The following TMTC4 variants were observed in gnomAD, a reference collection of about 807,000 sequenced individuals.
The protein encoded by TMTC4 is transmembrane O-mannosyltransferase targeting cadherins 4, also known as protein O-mannosyl-transferase TMTC4.
A neutral mutation model predicts 86.0 loss-of-function variants in TMTC4; 65 were observed. That is an observed-to-expected ratio of 0.76 (90% CI 0.62 to 0.93). The LOEUF (loss-of-function observed/expected upper bound fraction) is 0.93, where lower values mean the gene tolerates loss of function less well. Ranked by LOEUF, TMTC4 falls within the 40% of genes least tolerant of loss-of-function variation. The pLI, the probability that TMTC4 is intolerant of heterozygous loss-of-function variation, is 0.00. For missense variants in TMTC4, 866 were observed against 948.1 expected (o/e 0.91, Z 1.14); for synonymous variants, 379 against 382.5 (o/e 0.99, Z 0.11).
At chr13:100,645,056 C>T (rs1043563167) in intron 6 of TMTC4, among the ~76,000 whole-genome samples, 18 of 152,332 alleles carry the variant, frequency 1.2e-4, no homozygotes, top group African/African-American at 2.9e-4. Flanking sequence ...TTGTGATCCA[C>T]CCGCCTCGGC....
chr13:100,670,646 A>T (rs1886970047), intron 1 of TMTC4, 77 bp from the exon 2 acceptor site: 1 of 386,050 alleles, frequency 2.6e-6, no homozygotes, highest in Non-Finnish European at 4.6e-6. Context: ...TACTCCTGCT[A>T]CTTAAAAAAC....
At chr13:100,617,953 C>G (rs775302481) in intron 15 of TMTC4, among the ~76,000 whole-genome samples, 1 of 152,210 alleles carries the variant, frequency 6.6e-6, no homozygotes, top group Non-Finnish European at 1.5e-5. Flanking sequence ...AATAATGATT[C>G]TTCCAATCCA....
At chr13:100,643,378 A>G (rs1221233054) in intron 6 of TMTC4, among the ~76,000 whole-genome samples, 1 of 152,220 alleles carries the variant, frequency 6.6e-6, no homozygotes. Context: ...TCACTGCGTG[A>G]CACTGAGCAA....
intron 7 of TMTC4, chr13:100,638,775 A>G (rs1453927714): frequency 6.6e-6 from 1 of 152,232 alleles, no homozygotes; most frequent in African/African-American, 2.4e-5. Context: ...GTGACTTTGG[A>G]AACCACACAT....
intron 6 of TMTC4, among the ~76,000 whole-genome samples, chr13:100,645,158 G>A (rs1883559227): frequency 6.6e-6 from 1 of 152,094 alleles, no homozygotes; most frequent in Non-Finnish European, 1.5e-5. Flanking sequence ...TTGCCTTCAG[G>A]ATAATGGTTC....
rs1876589810 is a variant in TMTC4, at chr13:100,606,343, G to C, written c.2134+15C>G. 2.5e-6 allele frequency: 4 copies of C among 1,611,252 alleles called. No homozygotes were observed. The highest frequency in any genetic ancestry group is 8.5e-7 in the Non-Finnish European group (1 of 1,178,102). On this transcript the variant is annotated intron_variant, in intron 18 of 18. Coordinates refer to ENST00000342624, the MANE Select transcript of TMTC4 (RefSeq NM_032813.5). ...ACAAAATTTCAACACGATTCAAGTT[G>C]AACATTTTTCTTACCCAAATTACCA...
intron 3 of TMTC4, among the ~76,000 whole-genome samples, chr13:100,664,734 C>T (rs1178482614): frequency 1.3e-5 from 2 of 152,304 alleles, no homozygotes; most frequent in African/African-American, 4.8e-5. Flanking sequence ...TGGCTCTGCC[C>T]TTCCTGAGCT....
chr13:100,633,320 A>G (rs1439497574), intron 12 of TMTC4, among the ~76,000 whole-genome samples: 3 of 36,678 alleles, frequency 8.2e-5, no homozygotes, highest in Non-Finnish European at 1.9e-4. Context: ...GGGAAAAAAA[A>G]AAAAAAAAAA....
At chr13:100,630,568 A>G (rs9300611) in intron 12 of TMTC4, among the ~76,000 whole-genome samples, 27,995 of 152,088 alleles carry the variant, frequency 0.18, 2,872 homozygotes, top group Admixed American at 0.24. Flanking sequence ...CAGCTTGGAC[A>G]TGTGACTTCA....
Position 100,636,740 on chromosome 13 carries a change from A to G in TMTC4, c.1000-6T>C, listed in dbSNP as rs1453997590. 6.2e-7 allele frequency: 1 copy of G among 1,613,880 alleles called. No homozygotes were observed. The highest frequency in any genetic ancestry group is 1.1e-5 in the South Asian group (1 of 91,074). The stretch of plus-strand genomic sequence containing the variant: ...TAGTAATTGTAGTTTACGGCCTGCC[A>G]GTCAAAAGGAGAACAAACATCTATT... On this transcript the variant is annotated splice_polypyrimidine_tract_variant and splice_region_variant and intron_variant, in intron 9 of 18. Coordinates refer to ENST00000342624, the MANE Select transcript of TMTC4 (RefSeq NM_032813.5).
At chr13:100,628,304 T>C (rs1220979068) in intron 12 of TMTC4, among the ~76,000 whole-genome samples, 11 of 152,228 alleles carry the variant, frequency 7.2e-5, no homozygotes, top group Non-Finnish European at 4.4e-5. Context: ...GATTTGTCCA[T>C]TTGTGTCACA....
intron 6 of TMTC4, among the ~76,000 whole-genome samples, chr13:100,648,069 A>C (rs1305702838): frequency 6.6e-6 from 1 of 152,196 alleles, no homozygotes; most frequent in East Asian, 1.9e-4. Context: ...TGAAAGATGA[A>C]GGTAATGTTT....
intron 15 of TMTC4, among the ~76,000 whole-genome samples, chr13:100,620,456 T>C (rs561782081): frequency 6.6e-6 from 1 of 152,346 alleles, no homozygotes; most frequent in South Asian, 2.1e-4. Context: ...ATCTTGGTAG[T>C]GCCTCCTGTC....
intron 12 of TMTC4, among the ~76,000 whole-genome samples, chr13:100,631,168 G>C (rs1368829284): frequency 6.6e-6 from 1 of 152,218 alleles, no homozygotes; most frequent in Non-Finnish European, 1.5e-5. Context: ...CTGAGGCAAT[G>C]AACTAGCACA....
At chr13:100,644,632 G>T (rs1022184514) in intron 6 of TMTC4, among the ~76,000 whole-genome samples, 2 of 152,108 alleles carry the variant, frequency 1.3e-5, no homozygotes, top group Non-Finnish European at 2.9e-5. Flanking sequence ...CAGCTTTTTG[G>T]GGGGAGAATC....
intron 5 of TMTC4, among the ~76,000 whole-genome samples, chr13:100,659,432 T>C (rs960460685): frequency 6.6e-6 from 1 of 152,164 alleles, no homozygotes; most frequent in Non-Finnish European, 1.5e-5. Flanking sequence ...CACACCTGGC[T>C]ACAGGCAGAA....
At position 100,642,172 on chromosome 13, in the gene TMTC4, C is replaced by CA. The variant is rs556268338; in HGVS notation, c.741+38dup. ...TGTCTTTATAGGAGGGAAAAGGACACACAGAAAAAGCAGGCCCCAGCCATG... is the reference window on the plus strand; with the variant it reads ...TGTCTTTATAGGAGGGAAAAGGACACAACAGAAAAAGCAGGCCCCAGCCATG... On this transcript the variant is annotated intron_variant, in intron 7 of 18. Transcript: ENST00000342624. 505 of 1,606,826 alleles carry CA rather than the reference C, an allele frequency of 3.1e-4. 7 individuals carry two copies. The South Asian group carries it at 5.4e-3, about 17-fold the overall frequency.
chr13:100,627,029 G>A (rs1168357614), intron 12 of TMTC4, among the ~76,000 whole-genome samples: 3 of 152,184 alleles, frequency 2.0e-5, no homozygotes, highest in South Asian at 4.1e-4. Context: ...ACGACCGTCT[G>A]TGAACCAGGA....
intron 1 of TMTC4, 97 bp downstream of exon 1, chr13:100,674,647 G>A: frequency 2.0e-6 from 2 of 982,634 alleles, no homozygotes; most frequent in Non-Finnish European, 2.4e-6. Context: ...TGCGGGGCTC[G>A]GGACACGGCG....
Sources: allele counts gnomAD v4.1 joint callset (sites outside exome capture counted in the v4.1 genomes callset), GRCh38; gene constraint gnomAD v4.1.1; transcripts MANE v1.5; gene names NCBI Gene and HGNC (gene_info 2026-07-23, HGNC 2026-07-21).